Variants in ODAPH observed in about 807,000 individuals in gnomAD.
ODAPH encodes the protein odontogenesis associated phosphoprotein, also known as amelogenesis imperfecta type IIA4.
Under a neutral mutation model 2.8 loss-of-function variants are expected in ODAPH, and 2 were observed. That is an observed-to-expected ratio of 0.72 (90% CI 0.30 to 2.28). ODAPH has a LOEUF of 2.28. Among genes scored for constraint, ODAPH ranks in the 30% most tolerant of loss-of-function variants. The pLI, the probability that ODAPH is intolerant of heterozygous loss-of-function variation, is 0.13. For missense variants in ODAPH, 159 were observed against 163.3 expected, an observed-to-expected ratio of 0.97 and a Z score of 0.14; for synonymous variants, 75 against 60.3, an observed-to-expected ratio of 1.24 and a Z score of -1.13.
chr4:75,563,530 C>T (rs1165592909), intron 1 of ODAPH, among the ~76,000 whole-genome samples: 3 of 152,068 alleles, frequency 2.0e-5, no homozygotes, highest in African/African-American at 7.2e-5. Context: ...AGATATGAAA[C>T]ATTTCTAAAG....
chr4:75,563,375 T>C (rs191322286), intron 1 of ODAPH: 10 of 154,176 alleles, frequency 6.5e-5, no homozygotes, highest in African/African-American at 2.4e-4. Context: ...TACATATGGG[T>C]ACATATAAAT....
downstream of ODAPH, chr4:75,565,468 C>G (rs1727776269): frequency 6.6e-6 from 1 of 152,080 alleles, no homozygotes; most frequent in African/African-American, 2.4e-5. Context: ...TTCAAAATGC[C>G]TGATTAAACT....
At chr4:75,561,081 G>A (rs970402750) in intron 1 of ODAPH, among the ~76,000 whole-genome samples, 2 of 152,184 alleles carry the variant, frequency 1.3e-5, no homozygotes, top group Middle Eastern at 3.4e-3. Flanking sequence ...AGAATTAGCC[G>A]GGCGTGGTGG....
chr4:75,564,216 C>T lies in ODAPH; in HGVS notation c.170C>T (p.Pro57Leu), dbSNP rs768369237. 9.9e-6 allele frequency: 16 copies of T among 1,614,224 alleles called. No individual in the cohort carries two copies. Among genetic ancestry groups the T allele is most frequent in the African/African-American group, 4.0e-5 (3 of 75,058 alleles). Residue 57 changes from proline (P) to leucine (L), a missense_variant, in exon 2 of 2, where the codon CCG (proline) becomes CTG (leucine). Transcript: ENST00000311623. ...TLTPPPAPRS[P>L]VTRAQPITKT... ...ACCCCTCCACCTGCCCCGAGGAGTC[C>T]GGTCACAAGGGCCCAGCCCATCACA...
At chr4:75,563,650 T>C (rs1727685635) in intron 1 of ODAPH, among the ~76,000 whole-genome samples, 1 of 152,352 alleles carries the variant, frequency 6.6e-6, no homozygotes, top group Non-Finnish European at 1.5e-5. Flanking sequence ...TTTTTGAACT[T>C]CATATAAAGG....
chr4:75,560,559 G>A (rs1008240815), intron 1 of ODAPH, among the ~76,000 whole-genome samples: 7 of 152,174 alleles, frequency 4.6e-5, no homozygotes, highest in Non-Finnish European at 1.0e-4. Context: ...CTAGCGACCC[G>A]ATAGGATCAC....
intron 1 of ODAPH, among the ~76,000 whole-genome samples, chr4:75,558,280 CT>C: frequency 6.6e-6 from 1 of 152,170 alleles, no homozygotes; most frequent in East Asian, 1.9e-4. Context: ...TTCTTTGAGT[CT>C]ACAAAATAAA....
At chr4:75,563,561 T>A (rs559007099) in intron 1 of ODAPH, among the ~76,000 whole-genome samples, 1 of 152,314 alleles carries the variant, frequency 6.6e-6, no homozygotes, top group African/African-American at 2.4e-5. Flanking sequence ...GGCTACACTT[T>A]CTGCTAAAAA....
Position 75,556,101 on chromosome 4 carries a change from T to C in ODAPH, c.19T>C (p.Phe7Leu). ...AGAAGCCATGGCTCGCAGACACTGC[T>C]TCTCCTACTGGTTACTGGTATGCTG... MARRHC[F>L]SYWLLVCWLV... Residue 7 changes from phenylalanine (F) to leucine (L), a missense_variant, in exon 1 of 2, where the codon TTC (phenylalanine) becomes CTC (leucine). By Grantham distance (22) the Phe-to-Leu change is conservative. Coordinates refer to ENST00000311623, the MANE Select transcript of ODAPH (RefSeq NM_178497.5). 1 of 1,614,178 alleles carries C rather than the reference T, an allele frequency of 6.2e-7. No individual in the cohort carries two copies.
chr4:75,564,446 A>G lies in ODAPH; in HGVS notation c.*7A>G, dbSNP rs760326382. On this transcript the variant is annotated 3_prime_UTR_variant, in exon 2 of 2. Transcript: ENST00000311623. Reference sequence around the variant, plus strand: ...CTCATCTGAGGAAAGCTGAGAGGGAAGAGAAACCCAAACATACTGAAGCAA... The same window carrying G: ...CTCATCTGAGGAAAGCTGAGAGGGAGGAGAAACCCAAACATACTGAAGCAA... 5.0e-6 allele frequency: 8 copies of G among 1,614,062 alleles called. No homozygotes were observed.
intron 1 of ODAPH, chr4:75,563,352 C>T (rs1175600579): frequency 6.5e-6 from 1 of 153,976 alleles, no homozygotes; most frequent in Admixed American, 6.5e-5. Flanking sequence ...AAAGGTAAGG[C>T]TTGATTACAT....
chr4:75,560,761 G>A (rs917189535), intron 1 of ODAPH, among the ~76,000 whole-genome samples: 2 of 152,204 alleles, frequency 1.3e-5, no homozygotes, highest in Admixed American at 1.3e-4. Context: ...CCAATTGTTA[G>A]AGGAGGATTT....
intron 1 of ODAPH, among the ~76,000 whole-genome samples, chr4:75,562,339 CTTT>C (rs10672492): frequency 1.1e-4 from 15 of 135,616 alleles, no homozygotes; most frequent in African/African-American, 1.1e-4. Context: ...GTGGGAAGTT[CTTT>C]TTTTTTTTTT....
intron 1 of ODAPH, among the ~76,000 whole-genome samples, chr4:75,560,510 A>G (rs1727518334): frequency 6.6e-6 from 1 of 152,214 alleles, no homozygotes; most frequent in Non-Finnish European, 1.5e-5. Flanking sequence ...CAAACCAATC[A>G]CTATTGTTCC....
chr4:75,560,825 G>A (rs1204972716), intron 1 of ODAPH, among the ~76,000 whole-genome samples: 2 of 152,162 alleles, frequency 1.3e-5, no homozygotes, highest in Admixed American at 6.5e-5. Context: ...GCGGGTGGGT[G>A]GGTGGTTTTT....
chr4:75,564,184 T>C lies in ODAPH; in HGVS notation c.138T>C (p.Phe46=). Residue 46 remains phenylalanine, a synonymous_variant, in exon 2 of 2, where the codon TTT becomes TTC. Transcript: ENST00000311623. Reference sequence around the variant, plus strand: ...CGGACGCTACCGACTGCCAGATCTTTACACTCACCCCTCCACCTGCCCCGA... The same window carrying C: ...CGGACGCTACCGACTGCCAGATCTTCACACTCACCCCTCCACCTGCCCCGA... ...NNADATDCQI[F]TLTPPPAPRS... The C allele has an allele frequency of 6.2e-7, 1 of 1,614,196 alleles. No individual in the cohort carries two copies. Among genetic ancestry groups the C allele is most frequent in the Non-Finnish European group, 8.5e-7 (1 of 1,180,020 alleles).
intron 1 of ODAPH, 39 bp from the exon 2 acceptor site, chr4:75,564,075 A>T (rs1205285914): frequency 6.3e-7 from 1 of 1,595,790 alleles, no homozygotes; most frequent in African/African-American, 1.3e-5. Flanking sequence ...TGCTTCTGTT[A>T]CCAGACCTGT....
chr4:75,564,513 T>C lies in ODAPH; in HGVS notation c.*74T>C, dbSNP rs1430453571. ...CAGAAAAAAGCAACAAAAAGATTTC[T>C]GTTTTATCTTTCGAAACTAAAACTA... On this transcript the variant is annotated 3_prime_UTR_variant, in exon 2 of 2. Coordinates refer to ENST00000311623, the MANE Select transcript of ODAPH (RefSeq NM_178497.5). 1.2e-6 allele frequency: 2 copies of C among 1,611,674 alleles called. No individual in the cohort carries two copies. The highest frequency in any genetic ancestry group is 1.7e-4 in the Middle Eastern group (1 of 6,056).
intron 1 of ODAPH, 26 bp downstream of exon 1, chr4:75,556,175 G>T: frequency 6.2e-7 from 1 of 1,605,292 alleles, no homozygotes; most frequent in Non-Finnish European, 8.5e-7. Flanking sequence ...TTATTCTACT[G>T]TGGGTCCACT....
Sources: allele counts gnomAD v4.1 joint callset (sites outside exome capture counted in the v4.1 genomes callset), GRCh38; gene constraint gnomAD v4.1.1; transcripts MANE v1.5; gene names NCBI Gene and HGNC (gene_info 2026-07-23, HGNC 2026-07-21).